The following DYRK4 variants were observed in gnomAD, a reference collection of about 807,000 sequenced individuals.
DYRK4 encodes dual specificity tyrosine-phosphorylation-regulated kinase 4.
A neutral mutation model predicts 68.3 loss-of-function variants in DYRK4; 64 were observed. That is an observed-to-expected ratio of 0.94 (90% CI 0.77 to 1.15). The LOEUF (loss-of-function observed/expected upper bound fraction) is 1.15. DYRK4 is among the 50% of genes most tolerant of loss of function. The probability of loss-of-function intolerance (pLI) is 0.00; values close to 1 mark genes in which losing one functional copy is unlikely to be tolerated. For synonymous variants in DYRK4, 274 were observed against 289.9 expected (o/e 0.95, Z 0.56); for missense variants, 740 against 764.7 (o/e 0.97, Z 0.38).
At chr12:4,574,211 C>T (rs1416164918) in intron 2 of DYRK4, among the ~76,000 whole-genome samples, 1 of 132,546 alleles carries the variant, frequency 7.5e-6, no homozygotes, top group East Asian at 2.2e-4. Flanking sequence ...GGCGACAGAG[C>T]GAGACTCCAT....
intron 4 of DYRK4, 193 bp downstream of exon 4, chr12:4,590,633 A>C (rs1944943285): frequency 2.5e-5 from 31 of 1,228,900 alleles, no homozygotes; most frequent in Admixed American, 3.7e-5. Context: ...TCTTAGCTAC[A>C]AAATGGGCCC....
At chr12:4,574,603 A>C (rs181318472) in intron 2 of DYRK4, among the ~76,000 whole-genome samples, 8 of 152,362 alleles carry the variant, frequency 5.3e-5, no homozygotes, top group Non-Finnish European at 8.8e-5. Flanking sequence ...TTCTAGGAAC[A>C]CTGGTTCTCA....
chr12:4,586,770 T>C (rs1337030684), intron 2 of DYRK4, among the ~76,000 whole-genome samples: 2 of 151,944 alleles, frequency 1.3e-5, no homozygotes, highest in African/African-American at 4.8e-5. Flanking sequence ...TCAGCTAAGC[T>C]CTGAGTCCAT....
rs961038875 is a variant in DYRK4, at chr12:4,591,922, G to A, written c.463+624G>A. 6.6e-6 allele frequency: 1 copy of A among 152,270 alleles called. No individual in the cohort carries two copies. The highest frequency in any genetic ancestry group is 1.5e-5 in the Non-Finnish European group (1 of 68,128). 9.4% of individuals were successfully genotyped at this position (152,270 alleles called of 1,614,324 possible). On this transcript the variant is annotated intron_variant, in intron 5 of 14. Transcript: ENST00000543431. The surrounding 1 kb of genome is among the most constrained non-coding windows in gnomAD (Gnocchi z 4.1). Reference sequence around the variant, plus strand: ...TGAAGCCTTTGTGGATTGCCTTGTGGTCAGGCCTGAAAGATTACACATGGG... The same window carrying A: ...TGAAGCCTTTGTGGATTGCCTTGTGATCAGGCCTGAAAGATTACACATGGG...
At chr12:4,578,136 G>T (rs778740478) in intron 2 of DYRK4, among the ~76,000 whole-genome samples, 1 of 152,134 alleles carries the variant, frequency 6.6e-6, no homozygotes, top group African/African-American at 2.4e-5. Flanking sequence ...TACAGGTATT[G>T]CCTTCTAAAA....
intron 2 of DYRK4, among the ~76,000 whole-genome samples, chr12:4,568,658 TTACAGGCGTGAG>T (rs1944701119): frequency 6.6e-6 from 1 of 152,224 alleles, no homozygotes; most frequent in Non-Finnish European, 1.5e-5. Context: ...AGGGCTGGGA[TTACAGGCGTGAG>T]CCACCACGCC....
intron 7 of DYRK4, 129 bp downstream of exon 7, chr12:4,596,414 C>T (rs1945018538): frequency 6.6e-7 from 1 of 1,526,450 alleles, no homozygotes; most frequent in African/African-American, 1.4e-5. Flanking sequence ...TCTCTTTCTA[C>T]CCGTCTGATT....
intron 2 of DYRK4, among the ~76,000 whole-genome samples, chr12:4,570,428 C>G (rs1286183975): frequency 6.6e-6 from 1 of 152,090 alleles, no homozygotes; most frequent in East Asian, 1.9e-4. Flanking sequence ...ATTGGCTTTC[C>G]TCAATGGACT....
At chr12:4,607,238 G>T in intron 11 of DYRK4, 89 bp from the exon 12 acceptor site, 3 of 1,458,350 alleles carry the variant, frequency 2.1e-6, no homozygotes, top group Non-Finnish European at 1.9e-6. Flanking sequence ...ATCTGTAGAA[G>T]GCAAAGCTTG....
chr12:4,605,540 T>G (rs1348730628), intron 11 of DYRK4, among the ~76,000 whole-genome samples: 1 of 152,152 alleles, frequency 6.6e-6, no homozygotes, highest in Admixed American at 6.5e-5. Context: ...AATATACGTT[T>G]ATGTTTAGAA....
intron 2 of DYRK4, among the ~76,000 whole-genome samples, chr12:4,584,308 A>G (rs914204461): frequency 3.3e-5 from 5 of 152,226 alleles, no homozygotes; most frequent in African/African-American, 1.2e-4. Flanking sequence ...TGCGTTAAGA[A>G]TGAATGCATC....
At chr12:4,598,136 G>A (rs1470684114) in intron 8 of DYRK4, among the ~76,000 whole-genome samples, 2 of 152,156 alleles carry the variant, frequency 1.3e-5, no homozygotes, top group South Asian at 2.1e-4. Flanking sequence ...CAGCATTTTC[G>A]GAGGCCAAGT....
chr12:4,579,551 T>G (rs1944821320), intron 2 of DYRK4, among the ~76,000 whole-genome samples: 1 of 152,078 alleles, frequency 6.6e-6, no homozygotes, highest in Non-Finnish European at 1.5e-5. Context: ...CCCCCTGGAG[T>G]TAAGCAAGGA....
At chr12:4,577,504 T>C (rs1383498539) in intron 2 of DYRK4, among the ~76,000 whole-genome samples, 1 of 152,264 alleles carries the variant, frequency 6.6e-6, no homozygotes, top group Non-Finnish European at 1.5e-5. Context: ...GTCTGTTCTT[T>C]CTTCAGTGCC....
chr12:4,587,160 G>A (rs1016449634), intron 2 of DYRK4, among the ~76,000 whole-genome samples: 2 of 152,318 alleles, frequency 1.3e-5, no homozygotes, highest in South Asian at 4.1e-4. Context: ...TAAAGACCAA[G>A]CGTCTTAGTC....
intron 9 of DYRK4, 145 bp from the exon 10 acceptor site, chr12:4,599,562 G>A: frequency 3.2e-6 from 2 of 622,074 alleles, no homozygotes; most frequent in East Asian, 2.8e-5. Flanking sequence ...AGCGGAGGAT[G>A]ATGGGATTTT....
At chr12:4,585,958 G>A (rs1200826679) in intron 2 of DYRK4, among the ~76,000 whole-genome samples, 1 of 152,184 alleles carries the variant, frequency 6.6e-6, no homozygotes, top group East Asian at 1.9e-4. Flanking sequence ...GTTCACGCCT[G>A]TAATCCCAAC....
chr12:4,572,921 T>C (rs920898223), intron 2 of DYRK4: 3 of 214,030 alleles, frequency 1.4e-5, no homozygotes, highest in African/African-American at 7.1e-5. Flanking sequence ...GGTCATTCAT[T>C]GTCTCATTTC....
At chr12:4,601,903 TG>T (rs1945085686) in intron 10 of DYRK4, 1 of 256,642 alleles carries the variant, frequency 3.9e-6, no homozygotes, top group Admixed American at 5.3e-5. Flanking sequence ...TGTGTGTGTG[TG>T]TGTGTGTATC....
Sources: allele counts gnomAD v4.1 joint callset (sites outside exome capture counted in the v4.1 genomes callset), GRCh38; gene constraint gnomAD v4.1.1; non-coding constraint Gnocchi (gnomAD v3.1); transcripts MANE v1.5; gene names NCBI Gene and HGNC (gene_info 2026-07-23, HGNC 2026-07-21).